The following MON2 variants were observed in gnomAD, a reference collection of about 807,000 sequenced individuals.
MON2 encodes protein MON2 homolog.
In MON2, 84 loss-of-function variants were observed where a neutral mutation model predicts 208.6. The ratio of observed to expected loss-of-function variants is 0.40; its 90% CI spans 0.34 to 0.48. The LOEUF (loss-of-function observed/expected upper bound fraction) is 0.48, where lower values mean the gene tolerates loss of function less well. Ranked by LOEUF, MON2 falls within the 20% of genes least tolerant of loss-of-function variation. The probability of loss-of-function intolerance (pLI) is 0.59; values close to 1 mark genes in which losing one functional copy is unlikely to be tolerated. For synonymous variants in MON2, 660 were observed against 694.0 expected, an observed-to-expected ratio of 0.95 and a Z score of 0.77; for missense variants, 1,611 against 2,015.4, an observed-to-expected ratio of 0.80 and a Z score of 3.84.
At chr12:62,543,057 T>C in intron 19 of MON2, 40 bp from the exon 20 acceptor site, 1 of 1,109,640 alleles carries the variant, frequency 9.0e-7, no homozygotes. Context: ...TACTCAGAAT[T>C]CTCCTTATAC....
At chr12:62,494,557 A>G (rs2070362787) in intron 3 of MON2, among the ~76,000 whole-genome samples, 1 of 152,202 alleles carries the variant, frequency 6.6e-6, no homozygotes. Context: ...TTTTGACATT[A>G]ATGTATCATC....
At chr12:62,582,601 A>G (rs2075041782) in intron 32 of MON2, among the ~76,000 whole-genome samples, 1 of 152,206 alleles carries the variant, frequency 6.6e-6, no homozygotes, top group South Asian at 2.1e-4. Context: ...CAGCATTGAC[A>G]TGGTTAAATT....
intron 2 of MON2, among the ~76,000 whole-genome samples, chr12:62,489,134 G>A (rs2069964853): frequency 6.6e-6 from 1 of 151,790 alleles, no homozygotes; most frequent in South Asian, 2.1e-4. Context: ...TCTATAAGTG[G>A]GATTATAAAG....
Position 62,532,527 on chromosome 12 carries a change from G to A in MON2, c.1490G>A (p.Arg497His), listed in dbSNP as rs749679342. 21 of 1,613,894 alleles carry A rather than the reference G, an allele frequency of 1.3e-5. No homozygotes were observed. The highest frequency in any genetic ancestry group is 3.3e-5 in the Admixed American group (2 of 59,990). Residue 497 changes from arginine to histidine, a missense_variant, in exon 12 of 35, where the codon CGT becomes CAT. Transcript: ENST00000393630. The stretch of plus-strand genomic sequence containing the variant: ...TTCCATTGTTTGCTAGACCTTGTTC[G>A]TGGAATCACAAGTATGATTGAAGGA... ...VAFHCLLDLV[R>H]GITSMIEGEL...
At chr12:62,494,925 A>C (rs775332674) in intron 3 of MON2, 91 bp from the exon 4 acceptor site, 7 of 858,950 alleles carry the variant, frequency 8.1e-6, no homozygotes, top group Admixed American at 3.1e-5. Context: ...AATCCTCTTC[A>C]GCTGATGTAG....
In MON2 at chr12:62,597,610, C is replaced by T. The variant is rs895364575; in HGVS notation, c.*4861C>T. ...AACTCCTACTGTCTTTATGAATACACGGGATTCAGCAGCCAAGATGCTCAC... is the reference window on the plus strand; with the variant it reads ...AACTCCTACTGTCTTTATGAATACATGGGATTCAGCAGCCAAGATGCTCAC... On this transcript the variant is annotated 3_prime_UTR_variant, in exon 35 of 35. Coordinates refer to ENST00000393630, the MANE Select transcript of MON2 (RefSeq NM_015026.3). 4.6e-5 allele frequency: 7 copies of T among 152,098 alleles called. No individual in the cohort carries two copies. Among genetic ancestry groups the T allele is most frequent in the East Asian group, 1.9e-4 (1 of 5,190 alleles). The allele number at this position is 152,098 out of a possible 1,614,324, so 9.4% of individuals were successfully genotyped here. A position where few individuals can be genotyped will look rare whatever the true frequency, so the allele number is the denominator to read the frequency against.
At chr12:62,517,042 G>T (rs951958349) in intron 8 of MON2, among the ~76,000 whole-genome samples, 1 of 152,154 alleles carries the variant, frequency 6.6e-6, no homozygotes, top group Admixed American at 6.5e-5. Context: ...ATTAAATCAG[G>T]TGGCCAGGTC....
rs116864203 is a variant in MON2 at position 62,550,258 on chromosome 12, G to A, written c.2916+428G>A. Among the ~76,000 whole-genome samples the A allele has an allele frequency of 2.9e-4, 44 of 152,274 alleles. No homozygotes were observed. The East Asian group carries it at 4.2e-3, about 15-fold the overall frequency. ...TACAAGGCTGTTTCAGGCTGGGCAT[G>A]GTAGCTGATGCCTGTAATCCCAGCA... On this transcript the variant is annotated intron_variant, in intron 23 of 34. Transcript: ENST00000393630.
intron 7 of MON2, among the ~76,000 whole-genome samples, chr12:62,502,990 T>C (rs911559737): frequency 6.6e-6 from 1 of 152,256 alleles, no homozygotes; most frequent in Non-Finnish European, 1.5e-5. Flanking sequence ...GCGAGCAGTA[T>C]ATACACTGAT....
intron 24 of MON2, among the ~76,000 whole-genome samples, chr12:62,555,767 C>G (rs1286013906): frequency 6.8e-6 from 1 of 148,134 alleles, no homozygotes; most frequent in Non-Finnish European, 1.5e-5. Context: ...CGAGATTGTG[C>G]CATTGCACTC....
chr12:62,469,694 A>G (rs2068689853), intron 1 of MON2, among the ~76,000 whole-genome samples: 1 of 152,176 alleles, frequency 6.6e-6, no homozygotes, highest in Admixed American at 6.5e-5. Context: ...TAAATTAATA[A>G]GAGTGCCAGA....
At chr12:62,505,671 A>G (rs963741483) in intron 7 of MON2, among the ~76,000 whole-genome samples, 4 of 151,984 alleles carry the variant, frequency 2.6e-5, no homozygotes, top group Non-Finnish European at 4.4e-5. Flanking sequence ...GCCTGAGCTC[A>G]GGAGTTCAAG....
Position 62,528,493 on chromosome 12 carries a change from A to G in MON2, c.1400+2391A>G, listed in dbSNP as rs550823950. On this transcript the variant is annotated intron_variant, in intron 11 of 34. Transcript: ENST00000393630. ...ACAGATACATTACATTTTATCTCAAAGTGGAATTTATGCAGTAATTCTAAT... is the reference window on the plus strand; with the variant it reads ...ACAGATACATTACATTTTATCTCAAGGTGGAATTTATGCAGTAATTCTAAT... Among the ~76,000 whole-genome samples, 5 of 152,322 alleles carry G rather than the reference A, an allele frequency of 3.3e-5. No homozygotes were observed. In the East Asian group the frequency reaches 9.6e-4, roughly 29 times the overall value.
intron 34 of MON2, among the ~76,000 whole-genome samples, chr12:62,589,227 CT>C (rs1165867683): frequency 6.6e-6 from 1 of 151,940 alleles, no homozygotes; most frequent in Non-Finnish European, 1.5e-5. Flanking sequence ...GTTCAGCTGA[CT>C]TTTTTTTATA....
At chr12:62,564,503 A>C (rs2074306525) in intron 26 of MON2, among the ~76,000 whole-genome samples, 1 of 152,048 alleles carries the variant, frequency 6.6e-6, no homozygotes, top group African/African-American at 2.4e-5. Context: ...GCTAGAAAAA[A>C]AAACCCAATT....
At chr12:62,544,621 T>TTA in intron 20 of MON2, 1 of 545,520 alleles carries the variant, frequency 1.8e-6, no homozygotes, top group South Asian at 1.9e-5. Flanking sequence ...AGGGTAAACT[T>TTA]AATTAAGAAC....
In MON2 at chr12:62,592,702, G is replaced by T. The variant is rs755577366; in HGVS notation, c.5107G>T (p.Asp1703Tyr). 2 of 1,606,434 alleles carry T rather than the reference G, an allele frequency of 1.2e-6. No individual in the cohort carries two copies. Among genetic ancestry groups the T allele is most frequent in the South Asian group, 2.2e-5 (2 of 90,188 alleles). Reference sequence around the variant, plus strand: ...TAAAGAGGCACTAGTTCCTTTTAAGGATTTCATGCAGCCACCAGCATCCAG... The same window carrying T: ...TAAAGAGGCACTAGTTCCTTTTAAGTATTTCATGCAGCCACCAGCATCCAG... The part of the protein sequence containing the change: ...ALKEALVPFK[D>Y]FMQPPASRVQ... The change falls in exon 35 of 35, where the codon GAT (aspartate) becomes TAT (tyrosine). Residue 1703 changes from aspartate to tyrosine, a missense_variant. Coordinates refer to ENST00000393630, the MANE Select transcript of MON2 (RefSeq NM_015026.3).
chr12:62,592,654 T>C lies in MON2; in HGVS notation c.5059T>C (p.Ser1687Pro), dbSNP rs750738628. ...TTTAGTAGAATGCATCACCTGTTCT[T>C]CTTCAGAAGTCTGTTCTGCACTTAA... ...PTLVECITCS[S>P]SEVCSALKEA... The change falls in exon 35 of 35, where the codon TCT (serine) becomes CCT (proline). Residue 1687 changes from serine to proline, a missense_variant. By Grantham distance (74) the Ser-to-Pro change is moderately conservative (BLOSUM62 -1). Transcript: ENST00000393630. 3 of 1,612,082 alleles carry C rather than the reference T, an allele frequency of 1.9e-6. No homozygotes were observed. Among genetic ancestry groups the C allele is most frequent in the East Asian group, 2.2e-5 (1 of 44,854 alleles).
intron 1 of MON2, among the ~76,000 whole-genome samples, chr12:62,475,502 A>G (rs2069024048): frequency 6.6e-6 from 1 of 151,980 alleles, no homozygotes; most frequent in Non-Finnish European, 1.5e-5. Flanking sequence ...ATCTTCAACA[A>G]GTATCTAATT....
Sources: allele counts gnomAD v4.1 joint callset (sites outside exome capture counted in the v4.1 genomes callset), GRCh38; gene constraint gnomAD v4.1.1; transcripts MANE v1.5; gene names NCBI Gene and HGNC (gene_info 2026-07-23, HGNC 2026-07-21).